The following DAB1 variants were observed in gnomAD, a reference collection of about 807,000 sequenced individuals.
The protein encoded by DAB1 is DAB adaptor protein 1.
A neutral mutation model predicts 64.6 loss-of-function variants in DAB1; 15 were observed. That is an observed-to-expected ratio of 0.23 (90% confidence interval 0.16 to 0.36). The LOEUF (loss-of-function observed/expected upper bound fraction) is 0.36. DAB1 is among the 10% of genes least tolerant of loss of function. The probability of loss-of-function intolerance (pLI) is 1.00; values close to 1 mark genes in which losing one functional copy is unlikely to be tolerated. For synonymous variants in DAB1, 235 were observed against 251.9 expected (o/e 0.93, Z 0.64); for missense variants, 596 against 706.7 (o/e 0.84, Z 1.78).
chr1:57,187,993 G>A (rs571017271), intron 2 of DAB1, among the ~76,000 whole-genome samples: 4 of 152,236 alleles, frequency 2.6e-5, no homozygotes, highest in South Asian at 2.1e-4. Context: ...TCCCCTCCCC[G>A]CTGCTCATGC....
chr1:57,363,500 A>G (rs1162773948), intron 1 of DAB1, among the ~76,000 whole-genome samples: 4 of 152,206 alleles, frequency 2.6e-5, no homozygotes, highest in African/African-American at 9.7e-5. Flanking sequence ...TCAATTCCCT[A>G]CACTCAATTT....
At chr1:57,410,819 G>A (rs1195085343) in intron 1 of DAB1, among the ~76,000 whole-genome samples, 2 of 152,142 alleles carry the variant, frequency 1.3e-5, no homozygotes, top group African/African-American at 4.8e-5. Context: ...TGTTTTATAT[G>A]AGACGTCCTT....
At chr1:58,518,902 T>A (rs1219482649) in intron 2 of DAB1, among the ~76,000 whole-genome samples, 1 of 152,176 alleles carries the variant, frequency 6.6e-6, no homozygotes, top group Admixed American at 6.5e-5. Context: ...ACTGTTCCTA[T>A]CCTACAGATG....
At chr1:58,120,968 G>C (rs1652701822) in intron 5 of DAB1, among the ~76,000 whole-genome samples, 1 of 152,136 alleles carries the variant, frequency 6.6e-6, no homozygotes, top group Non-Finnish European at 1.5e-5. Flanking sequence ...GTAGGGTAGG[G>C]AGTTTCATCT....
chr1:58,212,841 C>G (rs966497326), intron 4 of DAB1, among the ~76,000 whole-genome samples: 1 of 152,110 alleles, frequency 6.6e-6, no homozygotes, highest in African/African-American at 2.4e-5. Context: ...GGGAACACAT[C>G]AGCTGGTTGT....
At chr1:57,067,484 G>C (rs1162571965) in intron 8 of DAB1, among the ~76,000 whole-genome samples, 2 of 152,074 alleles carry the variant, frequency 1.3e-5, no homozygotes, top group Non-Finnish European at 2.9e-5. Context: ...AAGCCACATG[G>C]GGTTGTTGTG....
At chr1:57,160,649 G>C (rs574237285) in intron 2 of DAB1, among the ~76,000 whole-genome samples, 112 of 152,332 alleles carry the variant, frequency 7.4e-4, no homozygotes, top group African/African-American at 2.4e-3. Flanking sequence ...TGGATCTACA[G>C]TCAAAGGTGA....
chr1:58,500,787 G>A (rs1209859283), intron 3 of DAB1, among the ~76,000 whole-genome samples: 1 of 152,158 alleles, frequency 6.6e-6, no homozygotes, highest in Non-Finnish European at 1.5e-5. Flanking sequence ...GAGAAACAGG[G>A]TTGGTAAGTG....
intron 1 of DAB1, among the ~76,000 whole-genome samples, chr1:57,356,443 T>C (rs893656292): frequency 2.0e-5 from 3 of 152,092 alleles, no homozygotes; most frequent in Non-Finnish European, 4.4e-5. Flanking sequence ...ACTGTTGTTT[T>C]ATGCTTTTGA....
At chr1:57,443,903 A>C (rs1686043372) in intron 7 of DAB1, among the ~76,000 whole-genome samples, 1 of 152,218 alleles carries the variant, frequency 6.6e-6, no homozygotes, top group East Asian at 1.9e-4. Context: ...GTAGCAGTTT[A>C]GAAACGTAAT....
chr1:58,200,456 T>C (rs1657934950), intron 4 of DAB1, among the ~76,000 whole-genome samples: 1 of 152,244 alleles, frequency 6.6e-6, no homozygotes, highest in African/African-American at 2.4e-5. Flanking sequence ...CTTTGGAAGA[T>C]AACTTATTAC....
chr1:57,753,733 A>G (rs1648660177), intron 6 of DAB1, among the ~76,000 whole-genome samples: 1 of 152,196 alleles, frequency 6.6e-6, no homozygotes, highest in African/African-American at 2.4e-5. Context: ...AAGAAGATAT[A>G]ATTACTCTTC....
At chr1:58,298,336 T>G (rs1662039087) in intron 4 of DAB1, among the ~76,000 whole-genome samples, 1 of 152,238 alleles carries the variant, frequency 6.6e-6, no homozygotes, top group East Asian at 1.9e-4. Flanking sequence ...TTTACTTTAC[T>G]TTCTTTCTAT....
chr1:57,529,698 T>C (rs955690015), intron 7 of DAB1, among the ~76,000 whole-genome samples: 4 of 152,126 alleles, frequency 2.6e-5, no homozygotes, highest in Admixed American at 2.0e-4. Context: ...GAAACATATA[T>C]GTACTTAATA....
Position 58,068,236 on chromosome 1 carries a change from A to C in DAB1, n.387+82275T>G, listed in dbSNP as rs554856724. ...GGGTGAAGTGGAGGAAACTGGGTGG[A>C]AGGTTGCAGGAGAAACCCTTAAGGG... On this transcript the variant is annotated intron_variant and non_coding_transcript_variant, in intron 5 of 20. Coordinates refer to the DAB1 transcript ENST00000485760. Among the ~76,000 whole-genome samples, 5 of 152,322 alleles carry C rather than the reference A, an allele frequency of 3.3e-5. No homozygotes were observed. The South Asian group carries it at 1.0e-3, about 32-fold the overall frequency.
chr1:58,344,584 G>T (rs1446555198), intron 3 of DAB1, among the ~76,000 whole-genome samples: 7 of 152,118 alleles, frequency 4.6e-5, no homozygotes, highest in Admixed American at 1.3e-4. Context: ...ATGCGGAGAA[G>T]AACTAGATAA....
intron 7 of DAB1, among the ~76,000 whole-genome samples, chr1:57,541,128 T>TTTC (rs1644797840): frequency 6.6e-6 from 1 of 151,274 alleles, no homozygotes; most frequent in Non-Finnish European, 1.5e-5. Flanking sequence ...AAAACTTTTC[T>TTTC]TTCTTTTTTT....
chr1:58,474,066 G>A, intron 3 of DAB1: 1 of 520,048 alleles, frequency 1.9e-6, no homozygotes, highest in Non-Finnish European at 3.6e-6. Flanking sequence ...CCAATCCAGA[G>A]CCTAGGAATC....
intron 7 of DAB1, among the ~76,000 whole-genome samples, chr1:57,633,939 C>T (rs1308228584): frequency 6.6e-6 from 1 of 152,178 alleles, no homozygotes; most frequent in Non-Finnish European, 1.5e-5. Flanking sequence ...TACTAAGTTG[C>T]TTTATCAGTC....
Sources: allele counts gnomAD v4.1 joint callset (sites outside exome capture counted in the v4.1 genomes callset), GRCh38; gene constraint gnomAD v4.1.1; transcripts MANE v1.5; gene names NCBI Gene and HGNC (gene_info 2026-07-23, HGNC 2026-07-21).